The following TRIM71 variants were observed in gnomAD, a reference collection of about 807,000 sequenced individuals.
The protein encoded by TRIM71 is tripartite motif containing 71, also known as E3 ubiquitin-protein ligase TRIM71.
TRIM71 carries 9 observed loss-of-function variants against 61.2 expected under a neutral mutation model. The ratio of observed to expected loss-of-function variants is 0.15; its 90% CI spans 0.09 to 0.26. TRIM71 has a LOEUF of 0.26. Among genes scored for constraint, TRIM71 ranks in the 10% least tolerant of loss-of-function variants. TRIM71 has a pLI of 1.00. For synonymous variants in TRIM71, 645 were observed against 553.2 expected, an observed-to-expected ratio of 1.17 and a Z score of -2.33; for missense variants, 998 against 1,238.7, an observed-to-expected ratio of 0.81 and a Z score of 2.92.
At chr3:32,876,291 C>T (rs1394325562) in intron 2 of TRIM71, among the ~76,000 whole-genome samples, 1 of 152,088 alleles carries the variant, frequency 6.6e-6, no homozygotes, top group Non-Finnish European at 1.5e-5. Flanking sequence ...AGGAACTTAA[C>T]CACTGGTGTC....
At chr3:32,833,334 G>T (rs1456126669) in intron 1 of TRIM71, among the ~76,000 whole-genome samples, 3 of 152,006 alleles carry the variant, frequency 2.0e-5, no homozygotes, top group Non-Finnish European at 2.9e-5. Context: ...TATGAAAACT[G>T]ATTTGATAAA....
chr3:32,821,316 TG>T (rs1696126103), intron 1 of TRIM71, among the ~76,000 whole-genome samples: 1 of 152,186 alleles, frequency 6.6e-6, no homozygotes, highest in South Asian at 2.1e-4. Flanking sequence ...TTAACTGAGT[TG>T]CTTCCCTTGT....
intron 1 of TRIM71, among the ~76,000 whole-genome samples, chr3:32,841,990 A>T (rs1696412385): frequency 6.6e-6 from 1 of 151,684 alleles, no homozygotes. Context: ...CCTAGGAACA[A>T]CTCCACTCGC....
At chr3:32,864,183 A>G (rs182451559) in intron 1 of TRIM71, among the ~76,000 whole-genome samples, 15 of 152,216 alleles carry the variant, frequency 9.9e-5, no homozygotes, top group East Asian at 3.9e-4. Context: ...GGCTCAAGCA[A>G]TCCTCCCACC....
intron 3 of TRIM71, among the ~76,000 whole-genome samples, chr3:32,889,843 A>G (rs4909035): frequency 0.3 from 46,079 of 151,766 alleles, 7,275 homozygotes; most frequent in Middle Eastern, 0.39. Flanking sequence ...TGCCTGCTTC[A>G]TCCTCCCAAA....
At chr3:32,821,966 GAGTTTC>G (rs1462402907) in intron 1 of TRIM71, among the ~76,000 whole-genome samples, 5 of 152,126 alleles carry the variant, frequency 3.3e-5, no homozygotes, top group Non-Finnish European at 7.4e-5. Context: ...TTTGGGGGAA[GAGTTTC>G]ACAACTAGGG....
chr3:32,818,379 T>C lies in TRIM71; in HGVS notation c.299T>C (p.Leu100Pro). Residue 100 changes from leucine to proline, a missense_variant, in exon 1 of 4, where the codon CTA (leucine) becomes CCA (proline). Transcript: ENST00000383763. ...RCPVCDQKVVLAEAAGMDALP... is the reference protein window; with the variant it reads ...RCPVCDQKVVPAEAAGMDALP... ...CCCGTGTGCGACCAGAAAGTAGTGCTAGCCGAGGCGGCGGGTATGGACGCG... is the reference window on the plus strand; with the variant it reads ...CCCGTGTGCGACCAGAAAGTAGTGCCAGCCGAGGCGGCGGGTATGGACGCG... 6.8e-7 allele frequency: 1 copy of C among 1,478,436 alleles called. No homozygotes were observed. The highest frequency in any genetic ancestry group is 8.9e-7 in the Non-Finnish European group (1 of 1,119,480). 91.6% of individuals were successfully genotyped at this position (1,478,436 alleles called of 1,614,324 possible).
chr3:32,826,339 G>GA (rs1478379644), intron 1 of TRIM71, among the ~76,000 whole-genome samples: 1 of 152,128 alleles, frequency 6.6e-6, no homozygotes, highest in Non-Finnish European at 1.5e-5. Flanking sequence ...TACTGAGGCT[G>GA]AGGCAGGAGA....
At chr3:32,836,781 C>G (rs1202996223) in intron 1 of TRIM71, among the ~76,000 whole-genome samples, 2 of 152,176 alleles carry the variant, frequency 1.3e-5, no homozygotes, top group Non-Finnish European at 2.9e-5. Context: ...TGAATGCCAG[C>G]TGGCTTGCAA....
chr3:32,837,836 T>C (rs1305288187), intron 1 of TRIM71, among the ~76,000 whole-genome samples: 2 of 152,096 alleles, frequency 1.3e-5, no homozygotes, highest in African/African-American at 2.4e-5. Flanking sequence ...CTGAAGTCTT[T>C]ACCTCTATGG....
chr3:32,885,797 C>T, intron 2 of TRIM71, 137 bp from the exon 3 acceptor site: 2 of 1,222,878 alleles, frequency 1.6e-6, no homozygotes, highest in Non-Finnish European at 2.2e-6. Context: ...GCCTGTTTTC[C>T]TTCCAAGGGA....
chr3:32,833,591 A>G (rs1696299379), intron 1 of TRIM71, among the ~76,000 whole-genome samples: 1 of 152,024 alleles, frequency 6.6e-6, no homozygotes, highest in South Asian at 2.1e-4. Context: ...TAAGAGTGAG[A>G]GGGGGAGGTT....
At chr3:32,844,514 A>C (rs1696448995) in intron 1 of TRIM71, among the ~76,000 whole-genome samples, 1 of 152,164 alleles carries the variant, frequency 6.6e-6, no homozygotes, top group Non-Finnish European at 1.5e-5. Context: ...CTTCTGCCTC[A>C]GCCTCTGGCG....
chr3:32,833,181 C>CT (rs1484776384), intron 1 of TRIM71, among the ~76,000 whole-genome samples: 3 of 20,956 alleles, frequency 1.4e-4, no homozygotes, highest in South Asian at 2.1e-3. Flanking sequence ...GAAACTCTGT[C>CT]TTTAAAAAAA....
Position 32,890,560 on chromosome 3 carries a change from G to T in TRIM71, c.1356G>T (p.Gln452His). The T allele has an allele frequency of 6.2e-7, 1 of 1,614,020 alleles. No homozygotes were observed. The highest frequency in any genetic ancestry group is 8.5e-7 in the Non-Finnish European group (1 of 1,180,028). Residue 452 changes from glutamine (Q) to histidine (H), a missense_variant, in exon 4 of 4, where the codon CAG becomes CAT. This residue lies in a region of TRIM71 where 291 missense variants were observed against 431.2 expected (regional missense o/e 0.67). Transcript: ENST00000383763. The surrounding 1 kb of genome is among the most constrained non-coding windows in gnomAD (Gnocchi z 6.2). ...QELKTVRSLL[Q>H]PQEDDRVMFT... ...TGAAGACCGTGCGGAGCCTCCTGCA[G>T]CCCCAGGAAGACGACCGAGTCATGT... is the stretch of plus-strand genomic sequence containing the variant.
chr3:32,844,945 G>A (rs919454781), intron 1 of TRIM71, among the ~76,000 whole-genome samples: 1 of 152,210 alleles, frequency 6.6e-6, no homozygotes, highest in African/African-American at 2.4e-5. Flanking sequence ...AATGAAGACT[G>A]AGTTTTTGGG....
intron 1 of TRIM71, among the ~76,000 whole-genome samples, chr3:32,855,740 C>T (rs1160722801): frequency 6.6e-6 from 1 of 152,046 alleles, no homozygotes; most frequent in East Asian, 1.9e-4. Flanking sequence ...CTCAGAGAGA[C>T]CCCAGTATAA....
In TRIM71 at chr3:32,890,242, C is replaced by A; in HGVS notation, c.1156-118C>A. The A allele has an allele frequency of 7.4e-7, 1 of 1,357,074 alleles. No homozygotes were observed. Among genetic ancestry groups the A allele is most frequent in the Non-Finnish European group, 1.0e-6 (1 of 999,206 alleles). 84.1% of individuals were successfully genotyped at this position (1,357,074 alleles called of 1,614,324 possible). ...AAGAAAGACAGATGTCTTTTGTAGA[C>A]CATCCCACAATATGTGTTTGTCTGA... On this transcript the variant is annotated intron_variant, in intron 3 of 3. Coordinates refer to ENST00000383763, the MANE Select transcript of TRIM71 (RefSeq NM_001039111.3). The surrounding 1 kb of genome is among the most constrained non-coding windows in gnomAD (Gnocchi z 6.2).
At chr3:32,846,939 G>T (rs978745802) in intron 1 of TRIM71, among the ~76,000 whole-genome samples, 1 of 152,124 alleles carries the variant, frequency 6.6e-6, no homozygotes, top group Non-Finnish European at 1.5e-5. Flanking sequence ...AAACAATGCT[G>T]CAGTGAATAT....
Sources: gnomAD v4.1 joint callset for allele counts (sites outside exome capture counted in the v4.1 genomes callset) on GRCh38, gnomAD v4.1.1 for gene constraint, gnomAD v4.1.1 regional missense constraint, Gnocchi (gnomAD v3.1) non-coding constraint, MANE v1.5 for transcripts, NCBI Gene and HGNC (gene_info 2026-07-23, HGNC 2026-07-21) for gene names.